The following FGD6 variants were observed in gnomAD, a reference collection of about 807,000 sequenced individuals.
FGD6 encodes FYVE, RhoGEF and PH domain-containing protein 6.
A neutral mutation model predicts 149.4 loss-of-function variants in FGD6; 90 were observed. That is an observed-to-expected ratio of 0.60 (90% CI 0.51 to 0.72). The LOEUF (loss-of-function observed/expected upper bound fraction) is 0.72, where lower values mean the gene tolerates loss of function less well. Among genes scored for constraint, FGD6 ranks in the 30% least tolerant of loss-of-function variants. FGD6 has a pLI of 0.00. For synonymous variants in FGD6, 527 were observed against 584.0 expected (o/e 0.90, Z 1.41); for missense variants, 1,437 against 1,684.8 (o/e 0.85, Z 2.57).
chr12:95,099,120 G>A (rs1878335019), intron 14 of FGD6, among the ~76,000 whole-genome samples: 1 of 152,110 alleles, frequency 6.6e-6, no homozygotes, highest in Non-Finnish European at 1.5e-5. Flanking sequence ...TAAGTGGTCC[G>A]CCTGCCTTGG....
intron 8 of FGD6, chr12:95,116,844 A>C: frequency 2.2e-6 from 1 of 455,938 alleles, no homozygotes; most frequent in Non-Finnish European, 4.4e-6. Flanking sequence ...TTACCTTGGC[A>C]AAGAGAGCAG....
At chr12:95,120,415 G>A (rs1000328527) in intron 8 of FGD6, among the ~76,000 whole-genome samples, 1 of 151,242 alleles carries the variant, frequency 6.6e-6, no homozygotes, top group Non-Finnish European at 1.5e-5. Flanking sequence ...GGCTGGGCAT[G>A]GTGGTTCATG....
intron 3 of FGD6, among the ~76,000 whole-genome samples, chr12:95,166,823 C>T (rs1880833312): frequency 6.6e-6 from 1 of 150,688 alleles, no homozygotes; most frequent in African/African-American, 2.4e-5. Flanking sequence ...TTTATCCACT[C>T]ATCATTTGAT....
chr12:95,092,311 A>G (rs1385123297), intron 16 of FGD6, among the ~76,000 whole-genome samples: 1 of 152,214 alleles, frequency 6.6e-6, no homozygotes, highest in Non-Finnish European at 1.5e-5. Flanking sequence ...AGGCTTAGAA[A>G]CATCACTAGA....
chr12:95,209,692 C>CT lies in FGD6; in HGVS notation c.1591dup (p.Ser531LysfsTer26). On this transcript the variant is annotated frameshift_variant, in exon 2 of 21. Coordinates refer to ENST00000343958, the MANE Select transcript of FGD6 (RefSeq NM_018351.4). LOFTEE classifies it high-confidence loss of function. The stretch of plus-strand genomic sequence containing the variant: ...ATTTCTTTCTAGACTCTTCTCTGAA[C>CT]TTTTTTCTTCACTTGAAGGATAAGA... 6.2e-7 allele frequency: 1 copy of CT among 1,613,898 alleles called. No individual in the cohort carries two copies. The highest frequency in any genetic ancestry group is 8.5e-7 in the Non-Finnish European group (1 of 1,179,966).
intron 9 of FGD6, among the ~76,000 whole-genome samples, chr12:95,111,509 G>T (rs1442192148): frequency 6.6e-6 from 1 of 152,120 alleles, no homozygotes; most frequent in East Asian, 1.9e-4. Flanking sequence ...TAAGTTCCAT[G>T]TATAATTTGT....
chr12:95,142,821 T>TTA (rs1879892779), intron 5 of FGD6, among the ~76,000 whole-genome samples: 1 of 152,192 alleles, frequency 6.6e-6, no homozygotes, highest in Admixed American at 6.6e-5. Context: ...TCACCAGGGT[T>TTA]TACACTTTTC....
Position 95,217,344 on chromosome 12 carries a change from G to A in FGD6, c.-104C>T. On this transcript the variant is annotated 5_prime_UTR_variant, in exon 1 of 21. Transcript: ENST00000343958. ...GGTAGGAGAGAAAAGCCCCCGCAGCGCCCACATTCCGTCCCGCCGCCCCGC... is the reference window on the plus strand; with the variant it reads ...GGTAGGAGAGAAAAGCCCCCGCAGCACCCACATTCCGTCCCGCCGCCCCGC... 7.1e-7 allele frequency: 1 copy of A among 1,406,024 alleles called. No individual in the cohort carries two copies. The highest frequency in any genetic ancestry group is 9.4e-7 in the Non-Finnish European group (1 of 1,062,378). 87.1% of individuals were successfully genotyped at this position (1,406,024 alleles called of 1,614,324 possible). A position where few individuals can be genotyped will look rare whatever the true frequency, so the allele number is the denominator to read the frequency against.
intron 1 of FGD6, among the ~76,000 whole-genome samples, chr12:95,216,285 C>T (rs2056777198): frequency 6.6e-6 from 1 of 152,194 alleles, no homozygotes; most frequent in Non-Finnish European, 1.5e-5. Context: ...TAATCTGATA[C>T]TTAAGTGCTG....
rs149386893 is a variant in FGD6, at chr12:95,134,450, C to A, written c.3082+289G>T. Among the ~76,000 whole-genome samples the A allele has an allele frequency of 8.1e-3, 1,230 of 152,154 alleles. 7 individuals are homozygous for A. The highest frequency in any genetic ancestry group is 0.017 in the Middle Eastern group (5 of 294). On this transcript the variant is annotated intron_variant, in intron 8 of 20. Coordinates refer to ENST00000343958, the MANE Select transcript of FGD6 (RefSeq NM_018351.4). ...ATAATATTAGCCAGGTGAAATGATG[C>A]ACGGGTATGGGCTTGGGATGGTCAA...
chr12:95,155,476 C>T (rs1370100169), intron 3 of FGD6, among the ~76,000 whole-genome samples: 6 of 152,002 alleles, frequency 3.9e-5, no homozygotes, highest in Admixed American at 6.6e-5. Flanking sequence ...TGCAGTGAGC[C>T]GAGATGGTGC....
chr12:95,138,032 C>G (rs1446095007), intron 6 of FGD6, among the ~76,000 whole-genome samples: 1 of 151,746 alleles, frequency 6.6e-6, no homozygotes, highest in African/African-American at 2.4e-5. Context: ...ACCAGCCTGA[C>G]CAACATGGAG....
At chr12:95,152,094 G>A (rs2136272778) in intron 5 of FGD6, among the ~76,000 whole-genome samples, 1 of 152,270 alleles carries the variant, frequency 6.6e-6, no homozygotes, top group African/African-American at 2.4e-5. Context: ...AGGAGGCCAA[G>A]GCGGGTTGAT....
At chr12:95,213,610 C>T (rs1350189984) in intron 1 of FGD6, among the ~76,000 whole-genome samples, 1 of 152,098 alleles carries the variant, frequency 6.6e-6, no homozygotes, top group Non-Finnish European at 1.5e-5. Flanking sequence ...TATCTTAGAA[C>T]CTTGTCAGAA....
At chr12:95,136,510 T>C (rs924845058) in intron 7 of FGD6, among the ~76,000 whole-genome samples, 2 of 152,198 alleles carry the variant, frequency 1.3e-5, no homozygotes, top group East Asian at 3.8e-4. Context: ...TGGAGGGGAC[T>C]TGTGATTTTA....
At chr12:95,083,905 C>T (rs879763722) in intron 20 of FGD6, among the ~76,000 whole-genome samples, 9 of 152,156 alleles carry the variant, frequency 5.9e-5, no homozygotes, top group Admixed American at 2.6e-4. Flanking sequence ...GAGGTAGATA[C>T]GCATCTCTAT....
chr12:95,136,079 G>C (rs1186637371), intron 7 of FGD6, among the ~76,000 whole-genome samples: 2 of 152,104 alleles, frequency 1.3e-5, no homozygotes, highest in South Asian at 4.1e-4. Context: ...TTTCATTTTG[G>C]TTGGGTGAGG....
rs1878061596 is a variant in FGD6 at position 95,091,775 on chromosome 12, C to A, written c.3782G>T (p.Gly1261Val). The A allele has an allele frequency of 6.2e-7, 1 of 1,613,162 alleles. No homozygotes were observed. The change falls in exon 17 of 21, where the codon GGC (glycine) becomes GTC (valine). Residue 1261 changes from glycine to valine, a missense_variant. Gly to Val is a moderately radical substitution (Grantham distance 109). Around this residue, in one of 2 missense-constraint regions of FGD6, gnomAD observed 382 missense variants for 538.7 expected, o/e 0.71. Coordinates refer to ENST00000343958, the MANE Select transcript of FGD6 (RefSeq NM_018351.4). ...TGGTTGATTTTTCAGGTAATCTAAG[C>A]CATACTTATTAGACGAACAAGCTTG... is the stretch of plus-strand genomic sequence containing the variant. ...VCQACSSNKY[G>V]LDYLKNQPAR...
rs148921213 is a variant in FGD6, at chr12:95,208,956, T to C, written c.2328A>G (p.Glu776=). 1.4e-5 allele frequency: 23 copies of C among 1,614,070 alleles called. No individual in the cohort carries two copies. Among genetic ancestry groups the C allele is most frequent in the Non-Finnish European group, 1.9e-5 (22 of 1,180,048 alleles). The change falls in exon 2 of 21, where the codon GAA becomes GAG. Residue 776 remains glutamate (E), a synonymous_variant. Coordinates refer to ENST00000343958, the MANE Select transcript of FGD6 (RefSeq NM_018351.4). ...IMAIRKTQEL[E]WQNSSSMEDA... ...CCTCCATGCTGCTGGAATTCTGCCA[T>C]TCCAACTCTTGAGTTTTCCGTATAG...
Sources: gnomAD v4.1 joint callset for allele counts (sites outside exome capture counted in the v4.1 genomes callset) on GRCh38, gnomAD v4.1.1 for gene constraint, gnomAD v4.1.1 regional missense constraint, MANE v1.5 for transcripts, NCBI Gene and HGNC (gene_info 2026-07-23, HGNC 2026-07-21) for gene names.